The following RELN variants were observed in gnomAD, a reference collection of about 807,000 sequenced individuals.
RELN encodes reelin.
A neutral mutation model predicts 427.6 loss-of-function variants in RELN; 108 were observed. That is an observed-to-expected ratio of 0.25 (90% CI 0.22 to 0.30). The LOEUF (loss-of-function observed/expected upper bound fraction) is 0.30, where lower values mean the gene tolerates loss of function less well. RELN is among the 10% of genes least tolerant of loss of function. The pLI is 1.00. For synonymous variants in RELN, 1,524 were observed against 1,513.4 expected (o/e 1.01, Z -0.16); for missense variants, 3,715 against 4,302.8 (o/e 0.86, Z 3.82).
chr7:103,773,760 G>C (rs1791666510), intron 4 of RELN, among the ~76,000 whole-genome samples: 1 of 151,900 alleles, frequency 6.6e-6, no homozygotes, highest in African/African-American at 2.4e-5. Flanking sequence ...ATGACCCACT[G>C]CGCGCGGCCT....
intron 11 of RELN, among the ~76,000 whole-genome samples, chr7:103,676,226 A>G (rs1833520320): frequency 6.6e-6 from 1 of 152,330 alleles, no homozygotes; most frequent in South Asian, 2.1e-4. Flanking sequence ...AAAAGTGGGC[A>G]AAGGCTATGA....
chr7:103,765,216 T>C (rs1317840286), intron 4 of RELN, among the ~76,000 whole-genome samples: 4 of 152,178 alleles, frequency 2.6e-5, no homozygotes, highest in Non-Finnish European at 4.4e-5. Flanking sequence ...GCGGAAGACA[T>C]TGAAGCTATC....
At chr7:103,840,682 T>C (rs1172183036) in intron 2 of RELN, among the ~76,000 whole-genome samples, 1 of 152,204 alleles carries the variant, frequency 6.6e-6, no homozygotes, top group Non-Finnish European at 1.5e-5. Context: ...GCATCCACCA[T>C]GGTGATCTTT....
At chr7:103,915,702 A>G (rs951677635) in intron 2 of RELN, among the ~76,000 whole-genome samples, 1 of 152,178 alleles carries the variant, frequency 6.6e-6, no homozygotes, top group African/African-American at 2.4e-5. Flanking sequence ...GCTGGATCCT[A>G]GAAGGTCTTA....
chr7:103,688,855 C>T (rs528358285), intron 10 of RELN, among the ~76,000 whole-genome samples: 12 of 152,210 alleles, frequency 7.9e-5, no homozygotes, highest in African/African-American at 2.9e-4. Flanking sequence ...TAATGGGTTG[C>T]TGATTTACCT....
intron 36 of RELN, among the ~76,000 whole-genome samples, chr7:103,560,259 T>C (rs921765145): frequency 1.3e-5 from 2 of 152,190 alleles, no homozygotes; most frequent in African/African-American, 4.8e-5. Context: ...CCTGAATCTA[T>C]AAACATTAAA....
At chr7:103,544,662 A>G (rs1163534045) in intron 42 of RELN, among the ~76,000 whole-genome samples, 1 of 152,172 alleles carries the variant, frequency 6.6e-6, no homozygotes, top group Non-Finnish European at 1.5e-5. Context: ...ATTACATTAC[A>G]TGCATTTTAC....
intron 63 of RELN, among the ~76,000 whole-genome samples, chr7:103,479,659 A>G (rs968933247): frequency 1.2e-4 from 18 of 152,190 alleles, no homozygotes; most frequent in Middle Eastern, 3.2e-3. Context: ...CTGTATGTCC[A>G]TATTTATGAA....
chr7:103,864,451 C>T (rs1305631881), intron 2 of RELN, among the ~76,000 whole-genome samples: 4 of 152,116 alleles, frequency 2.6e-5, no homozygotes, highest in Non-Finnish European at 4.4e-5. Context: ...GCAACCGTTT[C>T]CCCCTCCTCC....
At chr7:103,918,471 G>C (rs1349012485) in intron 1 of RELN, among the ~76,000 whole-genome samples, 2 of 152,078 alleles carry the variant, frequency 1.3e-5, no homozygotes, top group African/African-American at 4.8e-5. Flanking sequence ...AAAATGTTTT[G>C]ATGCTGTCTA....
intron 2 of RELN, among the ~76,000 whole-genome samples, chr7:103,890,012 T>A (rs528089550): frequency 6.6e-6 from 1 of 152,236 alleles, no homozygotes; most frequent in African/African-American, 2.4e-5. Context: ...TTCTGTGAAC[T>A]TTTTGTTAAT....
chr7:103,767,962 T>C (rs1003651998), intron 4 of RELN, among the ~76,000 whole-genome samples: 1 of 152,144 alleles, frequency 6.6e-6, no homozygotes, highest in African/African-American at 2.4e-5. Context: ...CCTACAACAC[T>C]TGCCACCTTC....
At chr7:103,568,334 A>C (rs544722698) in intron 31 of RELN, among the ~76,000 whole-genome samples, 21 of 152,358 alleles carry the variant, frequency 1.4e-4, no homozygotes, top group Non-Finnish European at 1.9e-4. Flanking sequence ...AATGACAAAT[A>C]TGCTAAAATT....
intron 3 of RELN, among the ~76,000 whole-genome samples, chr7:103,801,697 T>C (rs909286716): frequency 3.3e-5 from 5 of 151,412 alleles, no homozygotes; most frequent in South Asian, 2.1e-4. Context: ...GCCTGCACGT[T>C]GTGCACATGT....
rs530718724 is a variant in RELN at position 103,848,595 on chromosome 7, T to C, written c.338-14923A>G. 3.3e-5 allele frequency among the ~76,000 whole-genome samples: 5 copies of C among 152,234 alleles called. No homozygotes were observed. The East Asian group carries it at 7.7e-4, about 24-fold the overall frequency. ...CGCCATACTGGGTCCCCAGGTCACA[T>C]TGCACTCTTCAATATCCAGTCTCAT... is the stretch of plus-strand genomic sequence containing the variant. On this transcript the variant is annotated intron_variant, in intron 2 of 64. Coordinates refer to ENST00000428762, the MANE Select transcript of RELN (RefSeq NM_005045.4).
rs1443139154 is a variant in RELN at position 103,988,648 on chromosome 7, G to A, written c.226+483C>T. 6.6e-6 allele frequency among the ~76,000 whole-genome samples: 1 copy of A among 152,162 alleles called. No individual in the cohort carries two copies. The highest frequency in any genetic ancestry group is 2.4e-5 in the African/African-American group (1 of 41,438). On this transcript the variant is annotated intron_variant, in intron 1 of 64. Transcript: ENST00000428762. The surrounding 1 kb of genome is among the most constrained non-coding windows in gnomAD (Gnocchi z 4.9). ...AGCAGCGGGAACTTTGCGGTCGAGC[G>A]GCGCGGGGCAGCCACAGACCTGGGC...
At chr7:103,844,596 A>G (rs1286826333) in intron 2 of RELN, among the ~76,000 whole-genome samples, 4 of 152,182 alleles carry the variant, frequency 2.6e-5, no homozygotes, top group African/African-American at 9.7e-5. Flanking sequence ...TAGTGACTTC[A>G]GTGACTACTA....
At chr7:103,518,327 CT>C (rs767194919) in intron 49 of RELN, among the ~76,000 whole-genome samples, 1,805 of 106,502 alleles carry the variant, frequency 0.017, 14 homozygotes, top group Middle Eastern at 0.038. Context: ...TCTACGTTTC[CT>C]TTTTTTTTTT....
At chr7:103,965,269 C>A (rs892625678) in intron 1 of RELN, among the ~76,000 whole-genome samples, 4 of 152,120 alleles carry the variant, frequency 2.6e-5, no homozygotes, top group Non-Finnish European at 5.9e-5. Flanking sequence ...GGCTGCCTAG[C>A]ACAAAGTGCA....
Sources: gnomAD v4.1 joint callset for allele counts (sites outside exome capture counted in the v4.1 genomes callset) on GRCh38, gnomAD v4.1.1 for gene constraint, Gnocchi (gnomAD v3.1) non-coding constraint, MANE v1.5 for transcripts, NCBI Gene and HGNC (gene_info 2026-07-23, HGNC 2026-07-21) for gene names.